GRID2: variants seen among roughly 807,000 people sequenced by gnomAD.
GRID2 encodes the protein glutamate receptor ionotropic, delta-2.
GRID2 carries 33 observed loss-of-function variants against 114.8 expected under a neutral mutation model. The observed-to-expected ratio is 0.29, with a 90% CI of 0.22 to 0.38. The LOEUF (loss-of-function observed/expected upper bound fraction) is 0.38. GRID2 is among the 10% of genes least tolerant of loss of function. The pLI is 1.00. For missense variants in GRID2, 1,184 were observed against 1,257.7 expected (o/e 0.94, Z 0.89); for synonymous variants, 505 against 449.9 (o/e 1.12, Z -1.55).
chr4:92,952,304 A>G (rs1752096051), intron 2 of GRID2, among the ~76,000 whole-genome samples: 1 of 152,332 alleles, frequency 6.6e-6, no homozygotes, highest in Non-Finnish European at 1.5e-5. Flanking sequence ...AACTGTTTAC[A>G]TATTTTTATC....
At chr4:92,443,494 G>A (rs1049283936) in intron 1 of GRID2, among the ~76,000 whole-genome samples, 2 of 151,960 alleles carry the variant, frequency 1.3e-5, no homozygotes, top group Admixed American at 1.3e-4. Flanking sequence ...GGAGGGAAGG[G>A]GTTTGGGGGT....
Position 93,224,751 on chromosome 4 carries a change from C to T in GRID2, c.1101C>T (p.Arg367=). The T allele has an allele frequency of 6.2e-7, 1 of 1,612,808 alleles. No homozygotes were observed. Among genetic ancestry groups the T allele is most frequent in the Non-Finnish European group, 8.5e-7 (1 of 1,179,176 alleles). Residue 367 remains arginine, a synonymous_variant, in exon 7 of 16, where the codon CGC becomes CGT. Transcript: ENST00000282020. ...RKNSKPWQGG[R]SMLETIKKGG... is the part of the protein sequence containing the mutation. Reference sequence around the variant, plus strand: ...ACTCAAAGCCCTGGCAGGGTGGGCGCTCCATGTTGGAGACCATCAAGAAGG... The same window carrying T: ...ACTCAAAGCCCTGGCAGGGTGGGCGTTCCATGTTGGAGACCATCAAGAAGG...
intron 1 of GRID2, among the ~76,000 whole-genome samples, chr4:92,331,558 GAC>G (rs2110144611): frequency 6.6e-6 from 1 of 152,288 alleles, no homozygotes; most frequent in South Asian, 2.1e-4. Flanking sequence ...AATACATGCA[GAC>G]ACACAGTATC....
chr4:92,961,668 G>A (rs1261431313), intron 2 of GRID2, among the ~76,000 whole-genome samples: 1 of 150,760 alleles, frequency 6.6e-6, no homozygotes, highest in Non-Finnish European at 1.5e-5. Flanking sequence ...CATTTATCTT[G>A]CTTGCTGTTC....
intron 8 of GRID2, among the ~76,000 whole-genome samples, chr4:93,379,061 A>G (rs1763623935): frequency 6.6e-6 from 1 of 152,092 alleles, no homozygotes; most frequent in African/African-American, 2.4e-5. Context: ...TTAATAAAAC[A>G]TGCCTTAAGA....
At chr4:93,566,187 C>CT (rs1735399179) in intron 13 of GRID2, among the ~76,000 whole-genome samples, 3 of 152,154 alleles carry the variant, frequency 2.0e-5, no homozygotes, top group Admixed American at 1.3e-4. Flanking sequence ...ATACAGGATA[C>CT]TACTCAACAA....
intron 2 of GRID2, among the ~76,000 whole-genome samples, chr4:92,629,675 A>C (rs1398886724): frequency 6.6e-6 from 1 of 151,998 alleles, no homozygotes; most frequent in African/African-American, 2.4e-5. Context: ...GTATATGGGA[A>C]AATGGGTTCT....
At chr4:93,011,408 C>A (rs78631608) in intron 2 of GRID2, among the ~76,000 whole-genome samples, 3,118 of 151,904 alleles carry the variant, frequency 0.021, 54 homozygotes, top group East Asian at 0.053. Flanking sequence ...AAATTCAGGC[C>A]ATTTCTTCTC....
At chr4:92,683,872 A>G (rs1733772158) in intron 2 of GRID2, among the ~76,000 whole-genome samples, 1 of 151,880 alleles carries the variant, frequency 6.6e-6, no homozygotes, top group East Asian at 1.9e-4. Context: ...AACATATAGA[A>G]CAAATGTTGA....
At chr4:93,703,724 C>T (rs1354007719) in intron 14 of GRID2, among the ~76,000 whole-genome samples, 1 of 148,278 alleles carries the variant, frequency 6.7e-6, no homozygotes, top group Non-Finnish European at 1.5e-5. Flanking sequence ...CAATTCCCAC[C>T]TATGAGTGAG....
intron 14 of GRID2, among the ~76,000 whole-genome samples, chr4:93,684,103 C>T (rs1005400941): frequency 2.6e-5 from 4 of 152,044 alleles, no homozygotes; most frequent in African/African-American, 9.7e-5. Flanking sequence ...TTCATACACA[C>T]TCCAGAATAA....
intron 8 of GRID2, among the ~76,000 whole-genome samples, chr4:93,285,481 G>T (rs763850927): frequency 6.6e-6 from 1 of 151,950 alleles, no homozygotes; most frequent in Non-Finnish European, 1.5e-5. Flanking sequence ...TAAATCCCAT[G>T]TCTTAAGATA....
chr4:93,133,147 C>A (rs1342663488), intron 4 of GRID2, among the ~76,000 whole-genome samples: 1 of 151,992 alleles, frequency 6.6e-6, no homozygotes, highest in African/African-American at 2.4e-5. Flanking sequence ...CATGCACGTT[C>A]TCGCTCTCTC....
intron 8 of GRID2, among the ~76,000 whole-genome samples, chr4:93,329,422 A>G (rs931990475): frequency 6.6e-6 from 1 of 152,142 alleles, no homozygotes; most frequent in African/African-American, 2.4e-5. Flanking sequence ...GATATCTGTT[A>G]ATAATAATAT....
At chr4:92,634,765 G>C (rs1239469812) in intron 2 of GRID2, among the ~76,000 whole-genome samples, 1 of 113,562 alleles carries the variant, frequency 8.8e-6, no homozygotes, top group Non-Finnish European at 1.8e-5. Context: ...TTTTTTTTCA[G>C]ACATTGCAGG....
intron 9 of GRID2, among the ~76,000 whole-genome samples, chr4:93,404,824 C>T (rs778685512): frequency 6.6e-5 from 10 of 151,912 alleles, no homozygotes; most frequent in Non-Finnish European, 8.8e-5. Context: ...AGAGTATATG[C>T]GGAAGTATGT....
intron 4 of GRID2, among the ~76,000 whole-genome samples, chr4:93,199,622 C>CA (rs369462785): frequency 1.3e-5 from 2 of 152,144 alleles, no homozygotes; most frequent in South Asian, 2.1e-4. Context: ...GATTCTAAAG[C>CA]AAAAAAGCAG....
At chr4:93,071,676 A>G (rs1482341533) in intron 2 of GRID2, among the ~76,000 whole-genome samples, 1 of 152,112 alleles carries the variant, frequency 6.6e-6, no homozygotes, top group Non-Finnish European at 1.5e-5. Context: ...AGGGTAACCA[A>G]TGAGTGAGCC....
chr4:93,224,227 A>C (rs970089193), intron 6 of GRID2, among the ~76,000 whole-genome samples: 3 of 152,194 alleles, frequency 2.0e-5, no homozygotes, highest in Admixed American at 1.3e-4. Context: ...GCAAAAACTT[A>C]ACATATTCAG....
Sources: gnomAD v4.1 joint callset for allele counts (sites outside exome capture counted in the v4.1 genomes callset) on GRCh38, gnomAD v4.1.1 for gene constraint, MANE v1.5 for transcripts, NCBI Gene and HGNC (gene_info 2026-07-23, HGNC 2026-07-21) for gene names.